DSE: variants seen among roughly 807,000 people sequenced by gnomAD.
DSE encodes the protein dermatan-sulfate epimerase.
DSE carries 36 observed loss-of-function variants against 84.4 expected under a neutral mutation model. The ratio of observed to expected loss-of-function variants is 0.43; its 90% CI spans 0.33 to 0.56. DSE has a LOEUF of 0.56. Ranked by LOEUF, DSE falls within the 20% of genes least tolerant of loss-of-function variation. The pLI is 0.06. For synonymous variants in DSE, 410 were observed against 430.1 expected, an observed-to-expected ratio of 0.95 and a Z score of 0.58; for missense variants, 862 against 1,169.6, an observed-to-expected ratio of 0.74 and a Z score of 3.84.
At chr6:116,416,036 C>T (rs187957423) in intron 2 of DSE, among the ~76,000 whole-genome samples, 1 of 152,204 alleles carries the variant, frequency 6.6e-6, no homozygotes, top group African/African-American at 2.4e-5. Flanking sequence ...TTGCCTTTTT[C>T]TAGCTTTTGG....
At chr6:116,258,285 G>A (rs1278093796) in intron 1 of DSE, among the ~76,000 whole-genome samples, 1 of 151,958 alleles carries the variant, frequency 6.6e-6, no homozygotes, top group Non-Finnish European at 1.5e-5. Flanking sequence ...CAAAGAGCTG[G>A]GATTACAGGT....
intron 1 of DSE, among the ~76,000 whole-genome samples, chr6:116,372,384 C>G (rs140063280): frequency 2.0e-5 from 3 of 152,260 alleles, no homozygotes; most frequent in Non-Finnish European, 4.4e-5. Flanking sequence ...AGGAGAATGG[C>G]GTGAACCCAG....
intron 2 of DSE, among the ~76,000 whole-genome samples, chr6:116,280,530 A>C (rs1176330184): frequency 6.6e-6 from 1 of 152,250 alleles, no homozygotes; most frequent in Non-Finnish European, 1.5e-5. Flanking sequence ...TCAGTTTGCT[A>C]AATGTTCCAT....
chr6:116,276,085 G>A (rs990802533), intron 2 of DSE, among the ~76,000 whole-genome samples: 2 of 152,154 alleles, frequency 1.3e-5, no homozygotes, highest in Non-Finnish European at 2.9e-5. Context: ...TAGAACAGAG[G>A]TCCCTCCAAA....
rs763232237 is a variant in DSE at position 116,431,206 on chromosome 6, G to A, written c.910+13G>A. ...ACCATCCTGCCAGGTATAGTGAGGA[G>A]TCAGAAGTGTGAAAACATTAAACTA... On this transcript the variant is annotated intron_variant, in intron 4 of 5. Transcript: ENST00000644252. 43 of 1,612,944 alleles carry A rather than the reference G, an allele frequency of 2.7e-5. No individual in the cohort carries two copies. The South Asian group carries it at 4.6e-4, about 17-fold the overall frequency.
At chr6:116,279,298 T>G (rs766381063) in intron 2 of DSE, 1 of 1,519,656 alleles carries the variant, frequency 6.6e-7, no homozygotes, top group Non-Finnish European at 8.7e-7. Flanking sequence ...CGCCAGGCCT[T>G]CCTTCACCAC....
chr6:116,299,529 TATATATATATATATATATATATACAC>T lies in DSE; in HGVS notation c.-54+40566_-54+40591del, dbSNP rs1277556209. ...TTATATATATATATATATATATATATATATATATATATATATATATATACACATACACACACACACACACATACATA... is the reference window on the plus strand; with the variant it reads ...TTATATATATATATATATATATATATATACACACACACACACACATACATA... On this transcript the variant is annotated intron_variant, in intron 2 of 3. Transcript: ENST00000430252. 3.8e-3 allele frequency among the ~76,000 whole-genome samples: 110 copies of T among 29,236 alleles called. 11 individuals carry two copies. The highest frequency in any genetic ancestry group is 0.026 in the African/African-American group (92 of 3,550). The allele number at this position is 29,236 out of a possible 152,430, so 19.2% of individuals were successfully genotyped here.
chr6:116,423,814 A>G (rs1279851946), intron 2 of DSE, among the ~76,000 whole-genome samples: 1 of 152,218 alleles, frequency 6.6e-6, no homozygotes, highest in Non-Finnish European at 1.5e-5. Context: ...CTTTTTAGAA[A>G]TACAGCTATT....
chr6:116,318,652 C>T (rs142264169), intron 2 of DSE, among the ~76,000 whole-genome samples: 222 of 152,226 alleles, frequency 1.5e-3, no homozygotes, highest in Middle Eastern at 0.01. Flanking sequence ...CTCAGCTATA[C>T]GTGTCTTTTT....
At chr6:116,278,838 G>T in intron 2 of DSE, 1 of 1,614,126 alleles carries the variant, frequency 6.2e-7, no homozygotes, top group African/African-American at 1.3e-5. Context: ...GCTTGTTTCT[G>T]AAGTAGGGGT....
At chr6:116,391,205 G>C (rs1030883606) in intron 1 of DSE, among the ~76,000 whole-genome samples, 1 of 152,172 alleles carries the variant, frequency 6.6e-6, no homozygotes, top group Non-Finnish European at 1.5e-5. Context: ...AAACCTTTCA[G>C]GGGACAATGA....
At chr6:116,363,651 T>C (rs923192998) in intron 2 of DSE, among the ~76,000 whole-genome samples, 1 of 152,184 alleles carries the variant, frequency 6.6e-6, no homozygotes, top group Non-Finnish European at 1.5e-5. Flanking sequence ...TTTAGTTAGA[T>C]AGTGATTTTA....
At position 116,435,754 on chromosome 6, in the gene DSE, A is replaced by G; in HGVS notation, c.1286A>G (p.Asp429Gly). Residue 429 changes from aspartate (D) to glycine (G), a missense_variant, in exon 6 of 6, where the codon GAC becomes GGC. By Grantham distance (94) the Asp-to-Gly change is moderately conservative. Coordinates refer to ENST00000644252, the MANE Select transcript of DSE (RefSeq NM_013352.4). ...AAACTGGGGGGACGTGCAATATATG[A>G]CATTGTCCACAGAAACAAATACAAA... ...SGKLGGRAIY[D>G]IVHRNKYKDW... 1 of 1,614,082 alleles carries G rather than the reference A, an allele frequency of 6.2e-7. No individual in the cohort carries two copies. The highest frequency in any genetic ancestry group is 8.5e-7 in the Non-Finnish European group (1 of 1,180,006).
chr6:116,301,915 G>A (rs192287187), intron 2 of DSE, among the ~76,000 whole-genome samples: 11 of 152,172 alleles, frequency 7.2e-5, no homozygotes, highest in African/African-American at 1.9e-4. Flanking sequence ...GTTAGTTTGC[G>A]GAGAATGGTG....
intron 2 of DSE, among the ~76,000 whole-genome samples, chr6:116,321,737 G>A (rs1029054148): frequency 6.6e-6 from 1 of 152,150 alleles, no homozygotes; most frequent in African/African-American, 2.4e-5. Context: ...TCGCGCCACC[G>A]CACTCCAGCC....
At chr6:116,396,568 G>A (rs535357879) in intron 1 of DSE, among the ~76,000 whole-genome samples, 1 of 152,284 alleles carries the variant, frequency 6.6e-6, no homozygotes, top group African/African-American at 2.4e-5. Context: ...TCCCTTGCAC[G>A]AATTCAAAGT....
intron 1 of DSE, among the ~76,000 whole-genome samples, chr6:116,391,887 G>A (rs1270414342): frequency 1.3e-5 from 2 of 151,946 alleles, no homozygotes; most frequent in African/African-American, 4.8e-5. Flanking sequence ...AAAGCCATAG[G>A]TTTTCTTAGG....
intron 2 of DSE, among the ~76,000 whole-genome samples, chr6:116,341,996 G>A (rs1176627624): frequency 6.6e-6 from 1 of 152,074 alleles, no homozygotes; most frequent in Non-Finnish European, 1.5e-5. Context: ...GTTCCAATAT[G>A]TTAATTTTTA....
At chr6:116,433,630 T>A in intron 5 of DSE, 80 bp downstream of exon 5, 1 of 1,431,424 alleles carries the variant, frequency 7.0e-7, no homozygotes, top group Non-Finnish European at 9.4e-7. Flanking sequence ...TTTTTGCATT[T>A]AAAAAGAAAA....
Sources: allele counts gnomAD v4.1 joint callset (sites outside exome capture counted in the v4.1 genomes callset), GRCh38; gene constraint gnomAD v4.1.1; transcripts MANE v1.5; gene names NCBI Gene and HGNC (gene_info 2026-07-23, HGNC 2026-07-21).